CTIF: variants seen among roughly 807,000 people sequenced by gnomAD.
CTIF encodes cap binding complex dependent translation initiation factor, also known as CBP80/20-dependent translation initiation factor.
In CTIF, 21 loss-of-function variants were observed where a neutral mutation model predicts 66.0. The ratio of observed to expected loss-of-function variants is 0.32; its 90% confidence interval spans 0.23 to 0.46. The LOEUF (loss-of-function observed/expected upper bound fraction) is 0.46, where lower values mean the gene tolerates loss of function less well. Ranked by LOEUF, CTIF falls within the 20% of genes least tolerant of loss-of-function variation. CTIF has a pLI of 1.00. For synonymous variants in CTIF, 345 were observed against 326.4 expected, an observed-to-expected ratio of 1.06 and a Z score of -0.62; for missense variants, 739 against 812.7, an observed-to-expected ratio of 0.91 and a Z score of 1.10.
At chr18:48,651,434 A>C (rs1363118899) in intron 3 of CTIF, among the ~76,000 whole-genome samples, 1 of 152,254 alleles carries the variant, frequency 6.6e-6, no homozygotes, top group East Asian at 1.9e-4. Context: ...CAATTCAAGA[A>C]GAGCTAGCTA....
intron 9 of CTIF, among the ~76,000 whole-genome samples, chr18:48,789,001 G>A (rs150330615): frequency 3.3e-5 from 5 of 152,266 alleles, no homozygotes; most frequent in South Asian, 4.1e-4. Flanking sequence ...TCAGGAGGAC[G>A]TGTGCTGTGC....
chr18:48,792,716 T>TG (rs1054787103), intron 9 of CTIF, among the ~76,000 whole-genome samples: 11 of 152,070 alleles, frequency 7.2e-5, no homozygotes, highest in African/African-American at 2.2e-4. Flanking sequence ...AAAAGAATGT[T>TG]GGGGTCAAGG....
At chr18:48,601,320 T>C (rs2090086613) in intron 1 of CTIF, among the ~76,000 whole-genome samples, 1 of 152,218 alleles carries the variant, frequency 6.6e-6, no homozygotes, top group African/African-American at 2.4e-5. Flanking sequence ...GACCGCATGT[T>C]TAGACACTGA....
intron 3 of CTIF, chr18:48,662,369 A>C (rs2091360327): frequency 3.5e-5 from 1 of 28,550 alleles, no homozygotes; most frequent in Non-Finnish European, 1.1e-4. Context: ...AGTTACTTAG[A>C]CCTGCAGGCT....
intron 1 of CTIF, among the ~76,000 whole-genome samples, chr18:48,549,002 A>G (rs960769528): frequency 6.6e-5 from 10 of 152,002 alleles, no homozygotes; most frequent in Non-Finnish European, 1.3e-4. Flanking sequence ...TTTTTTTCCA[A>G]TGGATAATCA....
At chr18:48,767,345 C>T (rs1318707509) in intron 9 of CTIF, among the ~76,000 whole-genome samples, 1 of 152,060 alleles carries the variant, frequency 6.6e-6, no homozygotes, top group African/African-American at 2.4e-5. Context: ...AAGCCTGAGC[C>T]CTCTCCACCC....
intron 5 of CTIF, 189 bp from the exon 6 acceptor site, chr18:48,670,480 G>A: frequency 2.2e-6 from 1 of 448,714 alleles, no homozygotes; most frequent in East Asian, 3.5e-5. Context: ...TTGCATTACG[G>A]GAGGACCCCC....
intron 1 of CTIF, among the ~76,000 whole-genome samples, chr18:48,591,706 A>G (rs1421939143): frequency 6.6e-6 from 1 of 152,106 alleles, no homozygotes; most frequent in African/African-American, 2.4e-5. Context: ...TAAGTAATGG[A>G]CCTACCCAGC....
chr18:48,598,367 T>A (rs1490671450), intron 1 of CTIF, among the ~76,000 whole-genome samples: 3 of 152,214 alleles, frequency 2.0e-5, no homozygotes, highest in Admixed American at 6.5e-5. Context: ...TGTGCTGTCA[T>A]TAGCAAGGAG....
At chr18:48,823,122 C>T (rs2068516439) in intron 10 of CTIF, among the ~76,000 whole-genome samples, 1 of 151,992 alleles carries the variant, frequency 6.6e-6, no homozygotes, top group Non-Finnish European at 1.5e-5. Context: ...TTGTCTTTCT[C>T]TCTGCTGATT....
chr18:48,838,942 A>G (rs902360008), intron 10 of CTIF, among the ~76,000 whole-genome samples: 5 of 152,006 alleles, frequency 3.3e-5, no homozygotes, highest in African/African-American at 1.2e-4. Context: ...TAAGTGTCCT[A>G]GTGGAACCTG....
chr18:48,806,100 A>G (rs1225344663), intron 9 of CTIF, among the ~76,000 whole-genome samples: 1 of 152,290 alleles, frequency 6.6e-6, no homozygotes, highest in East Asian at 1.9e-4. Context: ...GCTGTGGTGG[A>G]GGGGACAGCC....
chr18:48,720,748 C>A (rs1479320198), intron 7 of CTIF, among the ~76,000 whole-genome samples: 1 of 152,176 alleles, frequency 6.6e-6, no homozygotes, highest in Non-Finnish European at 1.5e-5. Context: ...CCAGAGAAAG[C>A]CCCACGCTTT....
chr18:48,594,835 C>T (rs980604100), intron 1 of CTIF, among the ~76,000 whole-genome samples: 5 of 152,216 alleles, frequency 3.3e-5, no homozygotes, highest in Admixed American at 6.5e-5. Flanking sequence ...TCACCTGGTG[C>T]GTTCAGTCAG....
At chr18:48,560,784 G>A (rs1440566729) in intron 1 of CTIF, among the ~76,000 whole-genome samples, 2 of 151,398 alleles carry the variant, frequency 1.3e-5, no homozygotes, top group African/African-American at 2.4e-5. Flanking sequence ...CGTTGCCCAG[G>A]CTGGTCACGA....
At chr18:48,632,423 G>A (rs374976513) in intron 2 of CTIF, among the ~76,000 whole-genome samples, 1 of 152,172 alleles carries the variant, frequency 6.6e-6, no homozygotes, top group South Asian at 2.1e-4. Flanking sequence ...CCACCATCTT[G>A]CTGGCTTTCT....
At chr18:48,583,560 T>C (rs1022041945) in intron 1 of CTIF, among the ~76,000 whole-genome samples, 1 of 152,166 alleles carries the variant, frequency 6.6e-6, no homozygotes, top group African/African-American at 2.4e-5. Flanking sequence ...TCACTCACAC[T>C]TTGCTGTAAT....
Position 48,841,405 on chromosome 18 carries a change from C to T in CTIF, c.1528-16183C>T, listed in dbSNP as rs555478104. Among the ~76,000 whole-genome samples the T allele has an allele frequency of 1.2e-4, 18 of 152,310 alleles. No homozygotes were observed. In the East Asian group the frequency reaches 3.5e-3, roughly 29 times the overall value. ...AACTCAACCTCTCTGCCTAGGGCAG[C>T]GCCCTCGTGGCCCCGGCTCAGCCCA... On this transcript the variant is annotated intron_variant, in intron 10 of 11. Transcript: ENST00000256413.
intron 9 of CTIF, among the ~76,000 whole-genome samples, chr18:48,790,920 C>A (rs1050257706): frequency 6.6e-6 from 1 of 152,206 alleles, no homozygotes; most frequent in Non-Finnish European, 1.5e-5. Context: ...GCCATGGACC[C>A]TCCTCTAGCC....
Sources: gnomAD v4.1 joint callset for allele counts (sites outside exome capture counted in the v4.1 genomes callset) on GRCh38, gnomAD v4.1.1 for gene constraint, MANE v1.5 for transcripts, NCBI Gene and HGNC (gene_info 2026-07-23, HGNC 2026-07-21) for gene names.